Variants in NWD2 observed in about 807,000 individuals in gnomAD.
NWD2 encodes NACHT and WD repeat domain containing 2.
A neutral mutation model predicts 132.7 loss-of-function variants in NWD2; 37 were observed. That is an observed-to-expected ratio of 0.28 (90% CI 0.21 to 0.37). The LOEUF (loss-of-function observed/expected upper bound fraction) is 0.37. NWD2 is among the 10% of genes least tolerant of loss of function. The pLI, the probability that NWD2 is intolerant of heterozygous loss-of-function variation, is 1.00. For synonymous variants in NWD2, 705 were observed against 803.0 expected (o/e 0.88, Z 2.06); for missense variants, 1,592 against 2,122.4 (o/e 0.75, Z 4.91).
chr4:37,298,304 AGTCTTTG>A (rs1220274325), intron 1 of NWD2, among the ~76,000 whole-genome samples: 13 of 152,290 alleles, frequency 8.5e-5, no homozygotes, highest in Non-Finnish European at 1.5e-4. Context: ...CAGTATTCTA[AGTCTTTG>A]CCATGTCTGT....
At chr4:37,249,615 TC>T (rs1210025381) in intron 1 of NWD2, among the ~76,000 whole-genome samples, 1 of 152,138 alleles carries the variant, frequency 6.6e-6, no homozygotes. Context: ...AAGATACTTC[TC>T]CCCTAAGGAG....
At chr4:37,407,302 A>T (rs776631173) in intron 3 of NWD2, among the ~76,000 whole-genome samples, 6 of 152,218 alleles carry the variant, frequency 3.9e-5, no homozygotes, top group Non-Finnish European at 8.8e-5. Context: ...AAGAAGGCAA[A>T]TGACAACAGG....
intron 1 of NWD2, among the ~76,000 whole-genome samples, chr4:37,320,125 ATTTG>A (rs2109285221): frequency 6.6e-6 from 1 of 152,120 alleles, no homozygotes; most frequent in South Asian, 2.1e-4. Flanking sequence ...TGTTTTTTCC[ATTTG>A]TTTGTGTCAT....
intron 1 of NWD2, among the ~76,000 whole-genome samples, chr4:37,303,579 G>A (rs560768404): frequency 1.3e-5 from 2 of 151,626 alleles, no homozygotes; most frequent in Non-Finnish European, 2.9e-5. Flanking sequence ...TCAAAAACGT[G>A]ATTTTTTTTC....
chr4:37,421,136 A>C (rs934126817), intron 3 of NWD2, among the ~76,000 whole-genome samples: 3 of 152,144 alleles, frequency 2.0e-5, no homozygotes, highest in Admixed American at 6.6e-5. Context: ...AATATGTCCA[A>C]AACTGTGTCT....
chr4:37,386,765 A>T (rs142759798), intron 3 of NWD2, among the ~76,000 whole-genome samples: 1 of 149,628 alleles, frequency 6.7e-6, no homozygotes, highest in Non-Finnish European at 1.5e-5. Flanking sequence ...GGAGGTGTTC[A>T]TGGGGTGGGT....
chr4:37,422,276 G>A (rs769651430), intron 3 of NWD2, among the ~76,000 whole-genome samples: 5 of 152,224 alleles, frequency 3.3e-5, no homozygotes, highest in Admixed American at 2.6e-4. Flanking sequence ...GTGGGTTGCC[G>A]CCTGCCCTTA....
intron 1 of NWD2, among the ~76,000 whole-genome samples, chr4:37,256,582 A>G (rs1262394163): frequency 1.3e-5 from 2 of 152,342 alleles, no homozygotes; most frequent in Admixed American, 6.5e-5. Flanking sequence ...TGTGATAAGG[A>G]AAGTTAACCA....
intron 1 of NWD2, among the ~76,000 whole-genome samples, chr4:37,311,174 G>T (rs1390435121): frequency 1.3e-5 from 2 of 152,180 alleles, no homozygotes; most frequent in South Asian, 4.2e-4. Context: ...GGGTCAAATG[G>T]TATTTCCAGT....
At chr4:37,361,759 G>A (rs757820807) in intron 3 of NWD2, among the ~76,000 whole-genome samples, 1 of 152,122 alleles carries the variant, frequency 6.6e-6, no homozygotes, top group Non-Finnish European at 1.5e-5. Context: ...TTGAGGACTG[G>A]AAGAACATAA....
At chr4:37,257,598 A>G (rs1717546050) in intron 1 of NWD2, among the ~76,000 whole-genome samples, 1 of 152,216 alleles carries the variant, frequency 6.6e-6, no homozygotes, top group Non-Finnish European at 1.5e-5. Flanking sequence ...TAGAATATAG[A>G]GTTATAACAG....
chr4:37,369,375 T>A (rs35068694), intron 3 of NWD2, among the ~76,000 whole-genome samples: 4 of 152,280 alleles, frequency 2.6e-5, no homozygotes, highest in African/African-American at 9.6e-5. Flanking sequence ...ACCTGAATAG[T>A]GTACTCATTA....
At chr4:37,256,352 T>C (rs577999431) in intron 1 of NWD2, among the ~76,000 whole-genome samples, 2 of 152,260 alleles carry the variant, frequency 1.3e-5, no homozygotes, top group African/African-American at 4.8e-5. Context: ...GGTGAGAAAT[T>C]CCCTTGCCCA....
At chr4:37,311,585 G>T (rs2109281100) in intron 1 of NWD2, among the ~76,000 whole-genome samples, 1 of 149,032 alleles carries the variant, frequency 6.7e-6, no homozygotes, top group Non-Finnish European at 1.5e-5. Flanking sequence ...TTTGTAGGTT[G>T]CCTGTTCACT....
chr4:37,434,997 C>T (rs1017007254), intron 5 of NWD2, among the ~76,000 whole-genome samples: 2 of 152,054 alleles, frequency 1.3e-5, no homozygotes, highest in African/African-American at 4.8e-5. Flanking sequence ...TAAAAACCCA[C>T]CCAGTTATTC....
At chr4:37,401,188 C>CT (rs1424937573) in intron 3 of NWD2, among the ~76,000 whole-genome samples, 1 of 152,186 alleles carries the variant, frequency 6.6e-6, no homozygotes, top group African/African-American at 2.4e-5. Flanking sequence ...TCTGTGCTCT[C>CT]TTTCCTCCTT....
intron 1 of NWD2, among the ~76,000 whole-genome samples, chr4:37,258,755 A>G (rs1717569913): frequency 6.6e-6 from 1 of 152,192 alleles, no homozygotes; most frequent in Non-Finnish European, 1.5e-5. Context: ...GCTCAGCTAA[A>G]TGCTTTGGTT....
intron 1 of NWD2, among the ~76,000 whole-genome samples, chr4:37,264,855 T>C (rs1383499533): frequency 1.3e-5 from 2 of 152,252 alleles, no homozygotes; most frequent in African/African-American, 2.4e-5. Flanking sequence ...CAAAATGACA[T>C]GTACAAGATA....
At position 37,355,802 on chromosome 4, in the gene NWD2, G is replaced by GT. The variant is rs1375162828; in HGVS notation, c.241-559dup. 3.3e-5 allele frequency among the ~76,000 whole-genome samples: 5 copies of GT among 152,070 alleles called. 1 individual carries two copies. Among genetic ancestry groups the GT allele is most frequent in the African/African-American group, 1.2e-4 (5 of 41,480 alleles). On this transcript the variant is annotated intron_variant, in intron 2 of 6. Coordinates refer to ENST00000309447, the MANE Select transcript of NWD2 (RefSeq NM_001144990.2). ...ACCTTTCATTTTTTTGCCCGTACAT[G>GT]TTTTTCAGATATATATTGATGAAAG...
Sources: allele counts gnomAD v4.1 joint callset (sites outside exome capture counted in the v4.1 genomes callset), GRCh38; gene constraint gnomAD v4.1.1; transcripts MANE v1.5; gene names NCBI Gene and HGNC (gene_info 2026-07-23, HGNC 2026-07-21).